The following MYBPHL variants were observed in gnomAD, a reference collection of about 807,000 sequenced individuals.
MYBPHL encodes myosin-binding protein H-like.
Under a neutral mutation model 39.5 loss-of-function variants are expected in MYBPHL, and 32 were observed. The observed-to-expected ratio is 0.81, with a 90% CI of 0.61 to 1.09. MYBPHL has a LOEUF of 1.09. Ranked by LOEUF, MYBPHL falls within the 50% of genes least tolerant of loss-of-function variation. The pLI, the probability that MYBPHL is intolerant of heterozygous loss-of-function variation, is 0.00. For synonymous variants in MYBPHL, 196 were observed against 183.7 expected (o/e 1.07, Z -0.54); for missense variants, 456 against 460.2 (o/e 0.99, Z 0.08).
At chr1:109,303,946 C>T (rs1457165063) in intron 1 of MYBPHL, among the ~76,000 whole-genome samples, 2 of 150,904 alleles carry the variant, frequency 1.3e-5, no homozygotes, top group East Asian at 1.9e-4. Flanking sequence ...AAATATTCCC[C>T]CAAATATCTG....
At chr1:109,295,882 G>T (rs630822) in intron 6 of MYBPHL, among the ~76,000 whole-genome samples, 1 of 152,312 alleles carries the variant, frequency 6.6e-6, no homozygotes, top group South Asian at 2.1e-4. Flanking sequence ...CTCTAGGCAG[G>T]TTGCATGTGC....
intron 5 of MYBPHL, 118 bp downstream of exon 5, chr1:109,296,665 C>T (rs1240418026): frequency 8.0e-7 from 1 of 1,243,360 alleles, no homozygotes; most frequent in South Asian, 1.3e-5. Context: ...TCTTGAACTC[C>T]TGACCTCAGG....
chr1:109,296,426 C>T, intron 5 of MYBPHL, 56 bp from the exon 6 acceptor site: 1 of 1,571,554 alleles, frequency 6.4e-7, no homozygotes, highest in Non-Finnish European at 8.6e-7. Flanking sequence ...CCCTCGTCGA[C>T]TCTTTATCCT....
At chr1:109,294,736 G>C (rs533562451) in intron 7 of MYBPHL, among the ~76,000 whole-genome samples, 2 of 152,246 alleles carry the variant, frequency 1.3e-5, no homozygotes, top group South Asian at 2.1e-4. Context: ...GGCTGAGTCA[G>C]AAGATTGCAC....
intron 7 of MYBPHL, 138 bp downstream of exon 7, chr1:109,294,973 G>A (rs760850413): frequency 1.8e-5 from 12 of 674,422 alleles, no homozygotes; most frequent in Non-Finnish European, 2.5e-5. Flanking sequence ...AATACATCCT[G>A]ATGATGACAG....
chr1:109,297,107 A>T lies in MYBPHL; in HGVS notation c.513T>A (p.Asp171Glu), dbSNP rs1344904966. The T allele has an allele frequency of 1.9e-6, 3 of 1,613,940 alleles. No homozygotes were observed. In the African/African-American group the frequency reaches 4.0e-5, roughly 22 times the overall value. Residue 171 changes from aspartate (D) to glutamate (E), a missense_variant, in exon 4 of 9, where the codon GAT (aspartate) becomes GAA (glutamate). Physicochemically the swap from Asp to Glu is conservative, Grantham distance 45. Coordinates refer to ENST00000357155, the MANE Select transcript of MYBPHL (RefSeq NM_001010985.3). The stretch of plus-strand genomic sequence containing the variant: ...ATCCCAGAAGTGCTGTATTCCCCGT[A>T]TCTTGGGGCGGTGTCCATTCCAGTG... ...SATLEWTPPQ[D>E]TGNTALLGYT...
chr1:109,296,083 C>T (rs190025194), intron 6 of MYBPHL, 151 bp downstream of exon 6: 8 of 930,922 alleles, frequency 8.6e-6, no homozygotes, highest in South Asian at 3.6e-5. Context: ...CAAGCACCCC[C>T]CCGACTGTTC....
rs746611775 is a variant in MYBPHL at position 109,297,077 on chromosome 1, C to T, written c.543G>A (p.Thr181=). The change falls in exon 4 of 9, where the codon ACG becomes ACA. Residue 181 remains threonine, a synonymous_variant. Coordinates refer to ENST00000357155, the MANE Select transcript of MYBPHL (RefSeq NM_001010985.3). ...CGGATTTTGTGTCAGCCTTCTGCACCGTGTATCCCAGAAGTGCTGTATTCC... is the reference window on the plus strand; with the variant it reads ...CGGATTTTGTGTCAGCCTTCTGCACTGTGTATCCCAGAAGTGCTGTATTCC... ...DTGNTALLGY[T]VQKADTKSGL... is the part of the protein sequence containing the mutation. The T allele has an allele frequency of 2.5e-5, 40 of 1,614,016 alleles. 1 individual carries two copies. The highest frequency in any genetic ancestry group is 3.3e-4 in the Middle Eastern group (2 of 6,084).
chr1:109,293,042 A>G (rs1426654495), intron 8 of MYBPHL: 1 of 152,236 alleles, frequency 6.6e-6, no homozygotes, highest in African/African-American at 2.4e-5. Context: ...AATGAGAAAG[A>G]GGATTTTCTT....
At position 109,306,921 on chromosome 1, in the gene MYBPHL, T is replaced by A; in HGVS notation, c.71A>T (p.Asp24Val). 2.5e-6 allele frequency: 4 copies of A among 1,609,894 alleles called. No homozygotes were observed. The highest frequency in any genetic ancestry group is 3.4e-6 in the Non-Finnish European group (4 of 1,178,124). Residue 24 changes from aspartate (D) to valine (V), a missense_variant, in exon 1 of 9, where the codon GAT (aspartate) becomes GTT (valine). Coordinates refer to ENST00000357155, the MANE Select transcript of MYBPHL (RefSeq NM_001010985.3). ...AGGTGAAGCCTGGGGTGGTTCAGCA[T>A]CCGCTGGGCTGGCTTCTTTCACCTT... The part of the protein sequence containing the change: ...KLKVKEASPA[D>V]AEPPQASPGQ...
chr1:109,302,033 A>G (rs985978872), intron 1 of MYBPHL, among the ~76,000 whole-genome samples: 5 of 151,658 alleles, frequency 3.3e-5, no homozygotes, highest in Admixed American at 2.6e-4. Context: ...GTGTGTTTGT[A>G]TGAGTGTGTA....
At chr1:109,297,267 T>C in intron 3 of MYBPHL, 78 bp from the exon 4 acceptor site, 4 of 1,597,146 alleles carry the variant, frequency 2.5e-6, no homozygotes, top group Non-Finnish European at 3.4e-6. Context: ...CCCTAGCCCC[T>C]TTTTCTCCTC....
chr1:109,304,277 T>C (rs1658389121), intron 1 of MYBPHL, among the ~76,000 whole-genome samples: 1 of 151,970 alleles, frequency 6.6e-6, no homozygotes, highest in Non-Finnish European at 1.5e-5. Context: ...ACCTAAATAT[T>C]TGTGGAAGGA....
chr1:109,293,595 C>T (rs1304868143), intron 8 of MYBPHL, among the ~76,000 whole-genome samples: 1 of 151,350 alleles, frequency 6.6e-6, no homozygotes, highest in Non-Finnish European at 1.5e-5. Context: ...AAAAAAATTG[C>T]CGGGCGTGGT....
At chr1:109,294,598 T>C (rs1176437776) in intron 7 of MYBPHL, among the ~76,000 whole-genome samples, 1 of 152,220 alleles carries the variant, frequency 6.6e-6, no homozygotes, top group Non-Finnish European at 1.5e-5. Flanking sequence ...GATAGAGATC[T>C]GAACAAGGTG....
At chr1:109,303,106 G>C (rs571277157) in intron 1 of MYBPHL, among the ~76,000 whole-genome samples, 4 of 152,288 alleles carry the variant, frequency 2.6e-5, no homozygotes, top group African/African-American at 7.2e-5. Flanking sequence ...TCTTACGCTA[G>C]TGAGAAATAG....
In MYBPHL at chr1:109,298,007, G is replaced by A. The variant is rs600806; in HGVS notation, c.234+162C>T. Among the ~76,000 whole-genome samples, 100,327 of 152,154 alleles carry A rather than the reference G, an allele frequency of 0.66. 34,792 individuals are homozygous for A. Among genetic ancestry groups the A allele is most frequent in the East Asian group, 0.94 (4,851 of 5,164 alleles). The stretch of plus-strand genomic sequence containing the variant: ...CAGTCCTATCCAAACCCACCTTCAG[G>A]AGTGCAGAGGTCATTTGGCCTCAGA... On this transcript the variant is annotated intron_variant, in intron 2 of 8. Coordinates refer to ENST00000357155, the MANE Select transcript of MYBPHL (RefSeq NM_001010985.3).
At chr1:109,294,370 G>T in intron 7 of MYBPHL, 121 bp from the exon 8 acceptor site, 1 of 879,450 alleles carries the variant, frequency 1.1e-6, no homozygotes. Flanking sequence ...GTGCTAATTA[G>T]GTAGTCTATA....
rs769102440 is a variant in MYBPHL, at chr1:109,296,879, CGAT to C, written c.631_633del (p.Ile211del). 12 of 1,614,082 alleles carry C rather than the reference CGAT, an allele frequency of 7.4e-6. No individual in the cohort carries two copies. The South Asian group carries it at 1.3e-4, about 18-fold the overall frequency. On this transcript the variant is annotated inframe_deletion, in exon 5 of 9. Transcript: ENST00000357155. ...AAGACACGGAAGGCATAGGAGTTGC[CGAT>C]GATGAGGTCAGAGACGATGCAGCTG...
Sources: allele counts gnomAD v4.1 joint callset (sites outside exome capture counted in the v4.1 genomes callset), GRCh38; gene constraint gnomAD v4.1.1; transcripts MANE v1.5; gene names NCBI Gene and HGNC (gene_info 2026-07-23, HGNC 2026-07-21).